The following KLF12 variants were observed in gnomAD, a reference collection of about 807,000 sequenced individuals.
KLF12 encodes the protein Krueppel-like factor 12.
Under a neutral mutation model 37.8 loss-of-function variants are expected in KLF12, and 9 were observed. The observed-to-expected ratio is 0.24, with a 90% confidence interval of 0.14 to 0.42. The LOEUF is 0.42. Among genes scored for constraint, KLF12 ranks in the 10% least tolerant of loss-of-function variants. The pLI is 1.00. For missense variants in KLF12, 411 were observed against 516.0 expected (o/e 0.80, Z 1.97); for synonymous variants, 208 against 202.1 (o/e 1.03, Z -0.25).
the KLF12 span, among the ~76,000 whole-genome samples, chr13:74,172,262 CA>C: frequency 6.6e-6 from 1 of 151,786 alleles, no homozygotes; most frequent in Non-Finnish European, 1.5e-5. Flanking sequence ...TGTAAAAAGG[CA>C]CTAAACTGTA....
At chr13:74,225,306 A>G in the KLF12 span, among the ~76,000 whole-genome samples, 1 of 152,088 alleles carries the variant, frequency 6.6e-6, no homozygotes. Context: ...AATTTCCCTA[A>G]TTTCTCTTTT....
intron 3 of KLF12, among the ~76,000 whole-genome samples, chr13:73,886,143 T>C (rs1887213446): frequency 6.6e-6 from 1 of 152,164 alleles, no homozygotes; most frequent in Non-Finnish European, 1.5e-5. Flanking sequence ...TACCAGTCTA[T>C]GGAAGTGTCA....
intron 6 of KLF12, among the ~76,000 whole-genome samples, chr13:73,741,929 A>C (rs9530234): frequency 0.087 from 13,283 of 152,224 alleles, 668 homozygotes; most frequent in South Asian, 0.16. Flanking sequence ...GGTGGGGACT[A>C]TCTCTACTGT....
intron 3 of KLF12, among the ~76,000 whole-genome samples, chr13:73,926,895 C>T (rs1407580536): frequency 1.3e-5 from 2 of 148,904 alleles, no homozygotes; most frequent in African/African-American, 2.5e-5. Context: ...TAGAAGACAA[C>T]TGAGAACATG....
the KLF12 span, among the ~76,000 whole-genome samples, chr13:74,190,311 A>G: frequency 2.5e-4 from 38 of 152,366 alleles, no homozygotes; most frequent in African/African-American, 8.4e-4. Flanking sequence ...TATATCTTGA[A>G]GAAGCAAGCG....
chr13:74,166,040 T>C, the KLF12 span, among the ~76,000 whole-genome samples: 217 of 152,088 alleles, frequency 1.4e-3, no homozygotes, highest in African/African-American at 5.1e-3. Flanking sequence ...TGGTTGTTAG[T>C]TCAGGATGGA....
At chr13:74,276,940 A>G in the KLF12 span, among the ~76,000 whole-genome samples, 3 of 152,204 alleles carry the variant, frequency 2.0e-5, no homozygotes, top group Non-Finnish European at 4.4e-5. Flanking sequence ...AACTTCAGGT[A>G]CCCACTTCTG....
At chr13:74,193,626 T>C in the KLF12 span, among the ~76,000 whole-genome samples, 1 of 152,236 alleles carries the variant, frequency 6.6e-6, no homozygotes. Flanking sequence ...AGCCTTCATC[T>C]ACTTTCCACA....
chr13:73,767,675 G>A (rs1880008131), intron 5 of KLF12, among the ~76,000 whole-genome samples: 1 of 152,172 alleles, frequency 6.6e-6, no homozygotes, highest in Non-Finnish European at 1.5e-5. Context: ...CTCATCTGGA[G>A]CAGAGAGCAT....
intron 5 of KLF12, among the ~76,000 whole-genome samples, chr13:73,791,786 A>G (rs1371418173): frequency 6.6e-6 from 1 of 152,178 alleles, no homozygotes; most frequent in African/African-American, 2.4e-5. Flanking sequence ...ATTCAGTCCT[A>G]TTGTCAGATC....
At chr13:73,805,795 G>A (rs1882577344) in intron 5 of KLF12, among the ~76,000 whole-genome samples, 1 of 152,064 alleles carries the variant, frequency 6.6e-6, no homozygotes, top group Admixed American at 6.6e-5. Context: ...TAATATAGCT[G>A]AGGCATAAAG....
At chr13:73,763,841 T>C (rs1879726385) in intron 6 of KLF12, among the ~76,000 whole-genome samples, 1 of 152,112 alleles carries the variant, frequency 6.6e-6, no homozygotes, top group Admixed American at 6.6e-5. Context: ...CGAGGAAGGA[T>C]GCCCCGGCTC....
At chr13:73,946,940 A>G (rs1248890470) in intron 2 of KLF12, among the ~76,000 whole-genome samples, 3 of 152,234 alleles carry the variant, frequency 2.0e-5, no homozygotes, top group African/African-American at 7.2e-5. Context: ...CAGTCCTTGA[A>G]GCAAAATATT....
rs886287017 is a variant in KLF12, at chr13:73,902,418, A to C, written c.123+41563T>G. On this transcript the variant is annotated intron_variant, in intron 3 of 7. Transcript: ENST00000377669. ...ATTTTTTAAAAACCATCATGGGAGG[A>C]AGTGGCATTAGAATATCATTTCCAT... is the stretch of plus-strand genomic sequence containing the variant. 2.0e-5 allele frequency among the ~76,000 whole-genome samples: 3 copies of C among 152,184 alleles called. No homozygotes were observed. The East Asian group carries it at 5.8e-4, about 29-fold the overall frequency.
chr13:74,085,327 C>T (rs1007396479), intron 1 of KLF12, among the ~76,000 whole-genome samples: 2 of 152,152 alleles, frequency 1.3e-5, no homozygotes, highest in Non-Finnish European at 2.9e-5. Context: ...ATCCACAGTT[C>T]GGAGGTTCTT....
chr13:74,189,152 T>C, the KLF12 span, among the ~76,000 whole-genome samples: 3 of 152,294 alleles, frequency 2.0e-5, no homozygotes, highest in Non-Finnish European at 4.4e-5. Context: ...ATCTTTCCAG[T>C]GGAACTTTTT....
At chr13:73,964,606 T>A (rs371020817) in intron 2 of KLF12, among the ~76,000 whole-genome samples, 2 of 137,386 alleles carry the variant, frequency 1.5e-5, no homozygotes, top group Non-Finnish European at 1.5e-5. Flanking sequence ...CGTCTCTACT[T>A]AAAAAAAAAA....
intron 2 of KLF12, among the ~76,000 whole-genome samples, chr13:73,980,486 A>C (rs1252908363): frequency 6.6e-6 from 1 of 152,232 alleles, no homozygotes; most frequent in Non-Finnish European, 1.5e-5. Flanking sequence ...TAAAATTATC[A>C]TGATGAAGTT....
rs141400119 is a variant in KLF12 at position 73,900,045 on chromosome 13, C to A, written c.123+43936G>T. On this transcript the variant is annotated intron_variant, in intron 3 of 7. Coordinates refer to ENST00000377669, the MANE Select transcript of KLF12 (RefSeq NM_007249.5). Reference sequence around the variant, plus strand: ...AGTTTTTCGTTAAATAGACAAAAGTCACTAGTAAGTTATAGGAAATACTTG... The same window carrying A: ...AGTTTTTCGTTAAATAGACAAAAGTAACTAGTAAGTTATAGGAAATACTTG... Among the ~76,000 whole-genome samples, 1,204 of 152,192 alleles carry A rather than the reference C, an allele frequency of 7.9e-3. 19 individuals carry two copies. The highest frequency in any genetic ancestry group is 0.027 in the African/African-American group (1,134 of 41,504).
Sources: gnomAD v4.1 joint callset for allele counts (sites outside exome capture counted in the v4.1 genomes callset) on GRCh38, gnomAD v4.1.1 for gene constraint, MANE v1.5 for transcripts, NCBI Gene and HGNC (gene_info 2026-07-23, HGNC 2026-07-21) for gene names.